SPATA7: variants seen among roughly 807,000 people sequenced by gnomAD.
SPATA7 encodes the protein spermatogenesis associated 7.
SPATA7 carries 43 observed loss-of-function variants against 51.8 expected under a neutral mutation model. That is an observed-to-expected ratio of 0.83 (90% CI 0.65 to 1.07). The LOEUF is 1.07. Ranked by LOEUF, SPATA7 falls within the 50% of genes least tolerant of loss-of-function variation. The probability of loss-of-function intolerance (pLI) is 0.00; values close to 1 mark genes in which losing one functional copy is unlikely to be tolerated. For missense variants in SPATA7, 683 were observed against 701.3 expected (o/e 0.97, Z 0.30); for synonymous variants, 230 against 252.8 (o/e 0.91, Z 0.86).
chr14:88,430,417 A>C (rs554920383), intron 8 of SPATA7, among the ~76,000 whole-genome samples: 95 of 152,298 alleles, frequency 6.2e-4, no homozygotes, highest in African/African-American at 2.2e-3. Flanking sequence ...TAAGGAAAGG[A>C]ATATTTATCT....
chr14:88,424,449 T>TA (rs1290291733), intron 5 of SPATA7, among the ~76,000 whole-genome samples: 4 of 152,198 alleles, frequency 2.6e-5, no homozygotes, highest in Non-Finnish European at 5.9e-5. Context: ...TTCTACCTTT[T>TA]AAAAAGACTT....
chr14:88,400,817 A>G (rs376918543), intron 4 of SPATA7, among the ~76,000 whole-genome samples: 4 of 152,210 alleles, frequency 2.6e-5, no homozygotes, highest in South Asian at 4.1e-4. Context: ...CCTGGGTGAC[A>G]GAATGGGATA....
intron 4 of SPATA7, among the ~76,000 whole-genome samples, chr14:88,465,184 T>C (rs181660284): frequency 1.3e-5 from 2 of 152,298 alleles, no homozygotes; most frequent in Admixed American, 1.3e-4. Flanking sequence ...GAGGACTTTC[T>C]GGCTGGACAC....
chr14:88,437,796 G>A, intron 11 of SPATA7, 42 bp from the exon 12 acceptor site: 1 of 1,538,318 alleles, frequency 6.5e-7, no homozygotes, highest in Non-Finnish European at 8.7e-7. Context: ...AATTTAATTT[G>A]ACTCAATTAA....
Position 88,395,149 on chromosome 14 carries a change from C to A in SPATA7, c.191-1007C>A, listed in dbSNP as rs1203734815. Among the ~76,000 whole-genome samples, 4 of 152,058 alleles carry A rather than the reference C, an allele frequency of 2.6e-5. No homozygotes were observed. In the East Asian group the frequency reaches 7.7e-4, roughly 29 times the overall value. On this transcript the variant is annotated intron_variant, in intron 3 of 11. Coordinates refer to ENST00000393545, the MANE Select transcript of SPATA7 (RefSeq NM_018418.5). ...AAATTGTATAGGGAGTTACCATATA[C>A]CCTGTACTCTGCTCTTCCACTAATG...
At chr14:88,399,328 T>A (rs1382854251) in intron 4 of SPATA7, among the ~76,000 whole-genome samples, 1 of 152,200 alleles carries the variant, frequency 6.6e-6, no homozygotes, top group Non-Finnish European at 1.5e-5. Flanking sequence ...TTTTCTATTC[T>A]TTTTATGTTT....
intron 4 of SPATA7, among the ~76,000 whole-genome samples, chr14:88,404,009 C>T (rs2076139108): frequency 6.6e-6 from 1 of 151,922 alleles, no homozygotes; most frequent in Non-Finnish European, 1.5e-5. Flanking sequence ...ATGCCTGAAA[C>T]ATATACAGTT....
chr14:88,413,257 C>G (rs2139948806), intron 4 of SPATA7, among the ~76,000 whole-genome samples: 1 of 151,774 alleles, frequency 6.6e-6, no homozygotes, highest in African/African-American at 2.4e-5. Flanking sequence ...TTTAGATATC[C>G]TTCACCTCCT....
intron 4 of SPATA7, among the ~76,000 whole-genome samples, chr14:88,407,965 A>G (rs917658357): frequency 2.6e-5 from 4 of 152,096 alleles, no homozygotes; most frequent in Admixed American, 2.6e-4. Context: ...CCATTGGTCT[A>G]TATATGTGTT....
chr14:88,415,433 G>A (rs2076449955), intron 4 of SPATA7, among the ~76,000 whole-genome samples: 1 of 151,792 alleles, frequency 6.6e-6, no homozygotes, highest in Non-Finnish European at 1.5e-5. Context: ...CAGGCCTATA[G>A]GTGTCATTAC....
chr14:88,402,684 G>A (rs1269915728), intron 4 of SPATA7, among the ~76,000 whole-genome samples: 1 of 151,856 alleles, frequency 6.6e-6, no homozygotes. Flanking sequence ...TAAATATAAG[G>A]TCCTAATCCA....
intron 4 of SPATA7, chr14:88,467,923 G>GTCC: frequency 1.5e-6 from 1 of 652,094 alleles, no homozygotes; most frequent in Non-Finnish European, 2.7e-6. Context: ...TTGAAACCAA[G>GTCC]TCCTCCTTGA....
At chr14:88,431,103 C>T (rs2076927186) in intron 8 of SPATA7, 69 bp from the exon 9 acceptor site, 6 of 1,323,072 alleles carry the variant, frequency 4.5e-6, no homozygotes, top group African/African-American at 1.4e-5. Flanking sequence ...TACTAATATA[C>T]AATGTTATTG....
chr14:88,395,192 C>T (rs72695815), intron 3 of SPATA7, among the ~76,000 whole-genome samples: 3 of 152,066 alleles, frequency 2.0e-5, no homozygotes, highest in Non-Finnish European at 4.4e-5. Flanking sequence ...TCTTAAAAAC[C>T]GTGGTATAGT....
chr14:88,387,234 G>C (rs1275986999), intron 1 of SPATA7, among the ~76,000 whole-genome samples: 2 of 152,182 alleles, frequency 1.3e-5, no homozygotes, highest in Non-Finnish European at 2.9e-5. Flanking sequence ...GTAACATTTA[G>C]AGTATGGTAG....
At chr14:88,454,699 T>C (rs1038762413) in intron 3 of SPATA7, among the ~76,000 whole-genome samples, 4 of 151,814 alleles carry the variant, frequency 2.6e-5, no homozygotes, top group African/African-American at 9.7e-5. Flanking sequence ...TCCTAGCTAA[T>C]TGGGAGGCTA....
chr14:88,458,611 CCT>C (rs771393750), downstream of SPATA7, among the ~76,000 whole-genome samples: 1 of 151,738 alleles, frequency 6.6e-6, no homozygotes, highest in African/African-American at 2.4e-5. Context: ...TTGATTCTCC[CCT>C]CTTTTCTTCT....
chr14:88,467,118 C>T (rs897085596), intron 4 of SPATA7: 2 of 152,126 alleles, frequency 1.3e-5, no homozygotes, highest in African/African-American at 2.4e-5. Context: ...TTTGTAAAGA[C>T]GAAGGCATCC....
At chr14:88,444,534 G>C (rs2077198713) in intron 3 of SPATA7, among the ~76,000 whole-genome samples, 2 of 151,378 alleles carry the variant, frequency 1.3e-5, no homozygotes, top group Non-Finnish European at 3.0e-5. Context: ...ATTGCTTTTG[G>C]TGTTTTAGAC....
Sources: gnomAD v4.1 joint callset for allele counts (sites outside exome capture counted in the v4.1 genomes callset) on GRCh38, gnomAD v4.1.1 for gene constraint, MANE v1.5 for transcripts, NCBI Gene and HGNC (gene_info 2026-07-23, HGNC 2026-07-21) for gene names.